The following BCKDHB variants were observed in gnomAD, a reference collection of about 807,000 sequenced individuals.
BCKDHB encodes the protein 2-oxoisovalerate dehydrogenase subunit beta, mitochondrial.
BCKDHB carries 41 observed loss-of-function variants against 48.5 expected under a neutral mutation model. The observed-to-expected ratio is 0.85, with a 90% CI of 0.66 to 1.10. The LOEUF is 1.10. BCKDHB is among the 50% of genes least tolerant of loss of function. The pLI is 0.00. For synonymous variants in BCKDHB, 201 were observed against 174.8 expected (o/e 1.15, Z -1.18); for missense variants, 496 against 494.2 (o/e 1.00, Z -0.03).
intron 9 of BCKDHB, among the ~76,000 whole-genome samples, chr6:80,305,594 T>C (rs946878804): frequency 1.3e-5 from 2 of 152,170 alleles, no homozygotes; most frequent in Non-Finnish European, 2.9e-5. Flanking sequence ...TAAAATGTTG[T>C]AGATGAGTAA....
intron 9 of BCKDHB, among the ~76,000 whole-genome samples, chr6:80,335,211 C>G (rs2128012721): frequency 7.4e-6 from 1 of 134,708 alleles, no homozygotes; most frequent in South Asian, 2.3e-4. Flanking sequence ...GTTAAGACTG[C>G]TAGATGAAGA....
At chr6:80,397,974 T>C in the BCKDHB span, among the ~76,000 whole-genome samples, 7 of 152,100 alleles carry the variant, frequency 4.6e-5, no homozygotes, top group Non-Finnish European at 8.8e-5. Flanking sequence ...TGCTTCTGGG[T>C]TACTTGTGGG....
intron 9 of BCKDHB, among the ~76,000 whole-genome samples, chr6:80,330,555 C>T (rs1486125217): frequency 6.6e-6 from 1 of 152,106 alleles, no homozygotes; most frequent in Non-Finnish European, 1.5e-5. Flanking sequence ...TAAAATGAGA[C>T]ACCACTTAAG....
chr6:80,206,656 A>G (rs898629515), intron 8 of BCKDHB, among the ~76,000 whole-genome samples: 5 of 152,136 alleles, frequency 3.3e-5, no homozygotes, highest in African/African-American at 1.2e-4. Context: ...TAGGCTTATA[A>G]CATATCGGAC....
At chr6:80,172,518 GA>G (rs1199952476) in intron 6 of BCKDHB, among the ~76,000 whole-genome samples, 1 of 151,850 alleles carries the variant, frequency 6.6e-6, no homozygotes, top group Non-Finnish European at 1.5e-5. Context: ...AGTTACTAAG[GA>G]AAGTAGCTTG....
At chr6:80,376,929 A>G in the BCKDHB span, among the ~76,000 whole-genome samples, 1 of 152,056 alleles carries the variant, frequency 6.6e-6, no homozygotes, top group Admixed American at 6.6e-5. Context: ...AGTTCTTTGT[A>G]TATTCTAGAT....
chr6:80,413,417 A>T, the BCKDHB span, among the ~76,000 whole-genome samples: 33 of 152,210 alleles, frequency 2.2e-4, no homozygotes, highest in African/African-American at 7.5e-4. Flanking sequence ...TCCAGAACCC[A>T]TTAGTTATTT....
the BCKDHB span, among the ~76,000 whole-genome samples, chr6:80,446,148 T>A: frequency 2.6e-5 from 4 of 152,164 alleles, no homozygotes; most frequent in Non-Finnish European, 5.9e-5. Flanking sequence ...GTGAAAATAA[T>A]TTCCGGAATT....
chr6:80,234,492 C>A (rs941994368), intron 8 of BCKDHB, among the ~76,000 whole-genome samples: 1 of 152,100 alleles, frequency 6.6e-6, no homozygotes, highest in African/African-American at 2.4e-5. Context: ...CTTAAGCTTA[C>A]ATGTTTTAGT....
chr6:80,445,820 T>G, the BCKDHB span, among the ~76,000 whole-genome samples: 1 of 152,208 alleles, frequency 6.6e-6, no homozygotes, highest in African/African-American at 2.4e-5. Context: ...TTTATACACA[T>G]TCATTTTATT....
the BCKDHB span, chr6:80,462,865 T>C: frequency 1.3e-5 from 2 of 152,188 alleles, no homozygotes; most frequent in Non-Finnish European, 2.9e-5. Flanking sequence ...AAATTATTTG[T>C]CTATAGTTCT....
intron 9 of BCKDHB, among the ~76,000 whole-genome samples, chr6:80,326,913 G>C (rs1769057178): frequency 6.6e-6 from 1 of 152,092 alleles, no homozygotes; most frequent in Non-Finnish European, 1.5e-5. Flanking sequence ...GAGTCACACA[G>C]ATGTTTACTG....
the BCKDHB span, among the ~76,000 whole-genome samples, chr6:80,427,301 C>G: frequency 3.9e-5 from 6 of 152,064 alleles, no homozygotes; most frequent in Admixed American, 3.9e-4. Context: ...TCAACTTACT[C>G]TAGTCTATCT....
chr6:80,217,056 A>T (rs1180829265), intron 8 of BCKDHB, among the ~76,000 whole-genome samples: 3 of 152,126 alleles, frequency 2.0e-5, no homozygotes, highest in African/African-American at 7.2e-5. Context: ...CAGCCTGACC[A>T]ACATGGTGAA....
chr6:80,291,901 A>G (rs1236414936), intron 9 of BCKDHB, among the ~76,000 whole-genome samples: 2 of 152,200 alleles, frequency 1.3e-5, no homozygotes, highest in South Asian at 2.1e-4. Flanking sequence ...CAGCAAGAAT[A>G]ATTATTTTTC....
At chr6:80,309,451 C>T (rs1450495686) in intron 9 of BCKDHB, among the ~76,000 whole-genome samples, 1 of 152,178 alleles carries the variant, frequency 6.6e-6, no homozygotes, top group Non-Finnish European at 1.5e-5. Context: ...ATACTTTCTA[C>T]AGTCTCATCC....
intron 9 of BCKDHB, among the ~76,000 whole-genome samples, chr6:80,310,334 T>C (rs747307572): frequency 5.3e-5 from 8 of 152,172 alleles, no homozygotes; most frequent in Non-Finnish European, 7.3e-5. Flanking sequence ...CTCCCACTTA[T>C]AAGTGAGAAC....
At chr6:80,370,818 ATGTGTG>A in the BCKDHB span, among the ~76,000 whole-genome samples, 3 of 146,052 alleles carry the variant, frequency 2.1e-5, no homozygotes, top group Non-Finnish European at 4.5e-5. Flanking sequence ...GTATATATAT[ATGTGTG>A]TGTGTGTGTG....
intron 8 of BCKDHB, among the ~76,000 whole-genome samples, chr6:80,257,439 T>C (rs1225069825): frequency 6.7e-6 from 1 of 148,568 alleles, no homozygotes. Flanking sequence ...GATACATATA[T>C]ATATATATAT....
Sources: gnomAD v4.1 joint callset for allele counts (sites outside exome capture counted in the v4.1 genomes callset) on GRCh38, gnomAD v4.1.1 for gene constraint, MANE v1.5 for transcripts, NCBI Gene and HGNC (gene_info 2026-07-23, HGNC 2026-07-21) for gene names.